The following FXR2 variants were observed in gnomAD, a reference collection of about 807,000 sequenced individuals.
FXR2 encodes FMR1 autosomal homolog 2.
A neutral mutation model predicts 87.3 loss-of-function variants in FXR2; 9 were observed. The ratio of observed to expected loss-of-function variants is 0.10; its 90% confidence interval spans 0.06 to 0.18. FXR2 has a LOEUF of 0.18. Ranked by LOEUF, FXR2 falls within the 10% of genes least tolerant of loss-of-function variation. The pLI is 1.00. For synonymous variants in FXR2, 331 were observed against 328.3 expected (o/e 1.01, Z -0.09); for missense variants, 661 against 893.6 (o/e 0.74, Z 3.32).
intron 6 of FXR2, among the ~76,000 whole-genome samples, chr17:7,602,103 T>C (rs771740398): frequency 4.0e-5 from 6 of 151,230 alleles, no homozygotes; most frequent in Non-Finnish European, 7.4e-5. Flanking sequence ...CTAACCCAGA[T>C]GGCAACATGA....
chr17:7,601,704 G>A (rs555933430), intron 6 of FXR2, among the ~76,000 whole-genome samples, 179 bp from the exon 7 acceptor site: 9 of 152,270 alleles, frequency 5.9e-5, no homozygotes, highest in Non-Finnish European at 7.4e-5. Flanking sequence ...CAAGGCAGGC[G>A]GATCACGAGG....
At chr17:7,604,463 G>A (rs1448134922) in intron 3 of FXR2, among the ~76,000 whole-genome samples, 1 of 151,910 alleles carries the variant, frequency 6.6e-6, no homozygotes, top group Non-Finnish European at 1.5e-5. Context: ...TGGCTGAGGT[G>A]GGCTGATCAC....
In FXR2 at chr17:7,611,025, G is replaced by A. The variant is rs1420333004; in HGVS notation, c.81+3427C>T. On this transcript the variant is annotated intron_variant, in intron 1 of 16. Transcript: ENST00000250113. ...ACAGTCTGAGTAAAAACCAAGTACTGAAGCTGAGGATGCCATGTTGATTAA... is the reference window on the plus strand; with the variant it reads ...ACAGTCTGAGTAAAAACCAAGTACTAAAGCTGAGGATGCCATGTTGATTAA... Among the ~76,000 whole-genome samples the A allele has an allele frequency of 3.3e-5, 5 of 152,332 alleles. No individual in the cohort carries two copies. In the East Asian group the frequency reaches 9.6e-4, roughly 29 times the overall value.
rs2071677023 is a variant in FXR2, at chr17:7,592,912, A to C, written c.1529-18T>G. ...CTTCAGCACTGGTCAGAGGAAGAAG[A>C]GGAGGAGTTGGCAGTCAGGTGCCCA... On this transcript the variant is annotated intron_variant, in intron 13 of 16. Coordinates refer to ENST00000250113, the MANE Select transcript of FXR2 (RefSeq NM_004860.4). This position sits in a 1 kb window ranked among gnomAD's most constrained non-coding sequence, Gnocchi z 4.8. 1.3e-6 allele frequency: 2 copies of C among 1,555,110 alleles called. No individual in the cohort carries two copies. The highest frequency in any genetic ancestry group is 2.4e-5 in the South Asian group (2 of 82,204).
At chr17:7,614,379 C>T (rs930443157) in intron 1 of FXR2, 73 bp downstream of exon 1, 26 of 1,119,062 alleles carry the variant, frequency 2.3e-5, no homozygotes, top group African/African-American at 3.1e-5. Flanking sequence ...AGCTCGATCC[C>T]GCCCCACGCG....
chr17:7,603,798 G>A lies in FXR2; in HGVS notation c.408C>T (p.Phe136=), dbSNP rs1181024659. Residue 136 remains phenylalanine (F), a synonymous_variant, in exon 5 of 17, where the codon TTC becomes TTT. Coordinates refer to ENST00000250113, the MANE Select transcript of FXR2 (RefSeq NM_004860.4). The part of the protein sequence containing the change: ...NPNPLATKGS[F]FKVTMAVPED... ...CGGGCACAGCCATGGTAACCTTGAA[G>A]AAGCTGCCTTTGGTTGCAAGGGGAT... is the stretch of plus-strand genomic sequence containing the variant. 3.7e-6 allele frequency: 6 copies of A among 1,613,862 alleles called. No homozygotes were observed. The highest frequency in any genetic ancestry group is 5.1e-6 in the Non-Finnish European group (6 of 1,179,896).
intron 7 of FXR2, among the ~76,000 whole-genome samples, chr17:7,598,897 G>A (rs1472408664): frequency 6.6e-6 from 1 of 152,138 alleles, no homozygotes; most frequent in African/African-American, 2.4e-5. Flanking sequence ...TGTAATCCCA[G>A]TACTTTGGGA....
In FXR2 at chr17:7,591,750, C is replaced by A. The variant is rs972089999; in HGVS notation, c.*80G>T. On this transcript the variant is annotated 3_prime_UTR_variant, in exon 17 of 17. Transcript: ENST00000250113. The surrounding 1 kb of genome is among the most constrained non-coding windows in gnomAD (Gnocchi z 4.0). Reference sequence around the variant, plus strand: ...CCCCCCTAGATAAGAGCAGCTCCAGCGCAGGTCAGTTGGGCCTGTGAGGGC... The same window carrying A: ...CCCCCCTAGATAAGAGCAGCTCCAGAGCAGGTCAGTTGGGCCTGTGAGGGC... The A allele has an allele frequency of 4.9e-6, 4 of 813,298 alleles. No homozygotes were observed. The highest frequency in any genetic ancestry group is 1.7e-5 in the African/African-American group (1 of 59,464). 50.4% of individuals were successfully genotyped at this position (813,298 alleles called of 1,614,324 possible). A position where few individuals can be genotyped will look rare whatever the true frequency, so the allele number is the denominator to read the frequency against.
chr17:7,598,444 G>A (rs2150942564), intron 7 of FXR2, among the ~76,000 whole-genome samples: 1 of 152,136 alleles, frequency 6.6e-6, no homozygotes, highest in African/African-American at 2.4e-5. Flanking sequence ...GACAGAGCGA[G>A]ACTCCGTCTC....
chr17:7,613,251 T>G (rs2071891349), intron 1 of FXR2, among the ~76,000 whole-genome samples: 1 of 151,824 alleles, frequency 6.6e-6, no homozygotes, highest in South Asian at 2.1e-4. Context: ...TGGGAAGGTA[T>G]CTCTTCCCCA....
Position 7,591,869 on chromosome 17 carries a change from G to A in FXR2, c.1983C>T (p.Ala661=), listed in dbSNP as rs749011810. ...KGPSENGELS[A]PLELGSMVNG... ...TCACCATACTACCCAACTCCAAGGGGGCGGAGAGCTCCCCATTCTCCGAGG... is the reference window on the plus strand; with the variant it reads ...TCACCATACTACCCAACTCCAAGGGAGCGGAGAGCTCCCCATTCTCCGAGG... The change falls in exon 17 of 17, where the codon GCC becomes GCT. Residue 661 remains alanine (A), a synonymous_variant. Coordinates refer to ENST00000250113, the MANE Select transcript of FXR2 (RefSeq NM_004860.4). The surrounding 1 kb of genome is among the most constrained non-coding windows in gnomAD (Gnocchi z 4.0). 1 of 1,604,894 alleles carries A rather than the reference G, an allele frequency of 6.2e-7. No individual in the cohort carries two copies. The highest frequency in any genetic ancestry group is 8.5e-7 in the Non-Finnish European group (1 of 1,171,640).
Position 7,594,830 on chromosome 17 carries a change from C to A in FXR2, c.832-73G>T, listed in dbSNP as rs907253043. 2 of 918,302 alleles carry A rather than the reference C, an allele frequency of 2.2e-6. No homozygotes were observed. Among genetic ancestry groups the A allele is most frequent in the Non-Finnish European group, 3.6e-6 (2 of 548,604 alleles). The allele number at this position is 918,302 out of a possible 1,614,324, so 56.9% of individuals were successfully genotyped here. The stretch of plus-strand genomic sequence containing the variant: ...GGATGTGGTGGCTCACGCCTGTAAT[C>A]CCAGCACTTTGGGAGGCTGGAGGCA... On this transcript the variant is annotated intron_variant, in intron 8 of 16. Coordinates refer to ENST00000250113, the MANE Select transcript of FXR2 (RefSeq NM_004860.4). The surrounding 1 kb of genome is among the most constrained non-coding windows in gnomAD (Gnocchi z 5.1).
At chr17:7,600,944 C>A (rs1394998886) in intron 7 of FXR2, among the ~76,000 whole-genome samples, 1 of 152,114 alleles carries the variant, frequency 6.6e-6, no homozygotes, top group Non-Finnish European at 1.5e-5. Context: ...CTTTGGGAGG[C>A]TGAGGCGGGT....
chr17:7,614,643 C>G lies in FXR2; in HGVS notation c.-111G>C, dbSNP rs1254991796. 2 of 543,032 alleles carry G rather than the reference C, an allele frequency of 3.7e-6. No homozygotes were observed. The highest frequency in any genetic ancestry group is 5.5e-6 in the Non-Finnish European group (2 of 365,504). The allele number at this position is 543,032 out of a possible 1,614,324, so 33.6% of individuals were successfully genotyped here. On this transcript the variant is annotated 5_prime_UTR_variant, in exon 1 of 17. Transcript: ENST00000250113. Reference sequence around the variant, plus strand: ...GGAGGAGGAGCCGGAGGGGGAGCCGCGGGGGGCGGGAGCCGGGCCGGCCCC... The same window carrying G: ...GGAGGAGGAGCCGGAGGGGGAGCCGGGGGGGGCGGGAGCCGGGCCGGCCCC...
chr17:7,598,556 G>A (rs1264677721), intron 7 of FXR2, among the ~76,000 whole-genome samples: 1 of 152,096 alleles, frequency 6.6e-6, no homozygotes, highest in Non-Finnish European at 1.5e-5. Flanking sequence ...TCAGCCTACC[G>A]TACATGTCTT....
chr17:7,593,571 T>C lies in FXR2; in HGVS notation c.1162A>G (p.Ile388Val). 6.3e-7 allele frequency: 1 copy of C among 1,598,152 alleles called. No individual in the cohort carries two copies. Among genetic ancestry groups the C allele is most frequent in the Non-Finnish European group, 8.5e-7 (1 of 1,173,712 alleles). Residue 388 changes from isoleucine (I) to valine (V), a missense_variant, in exon 12 of 17, where the codon ATT becomes GTT. Around this residue, in one of 3 missense-constraint regions of FXR2, gnomAD observed 409 missense variants for 432.0 expected, o/e 0.95. Coordinates refer to ENST00000250113, the MANE Select transcript of FXR2 (RefSeq NM_004860.4). This position sits in a 1 kb window ranked among gnomAD's most constrained non-coding sequence, Gnocchi z 6.1. ...RLQIDEQLRQ[I>V]GLGFRPPGSG... ...CCAGGAGGGCGAAAGCCCAGCCCAA[T>C]CTGCCGAAGCTGCTCATCAATTTGT...
At chr17:7,604,760 T>C (rs1597878081) in intron 3 of FXR2, among the ~76,000 whole-genome samples, 1 of 146,258 alleles carries the variant, frequency 6.8e-6, no homozygotes, top group Non-Finnish European at 1.5e-5. Context: ...TCGCTCTTGG[T>C]GCTCAGGCTG....
chr17:7,595,675 T>A lies in FXR2; in HGVS notation c.831+149A>T. The A allele has an allele frequency of 1.6e-6, 1 of 628,242 alleles. No individual in the cohort carries two copies. The highest frequency in any genetic ancestry group is 2.0e-5 in the South Asian group (1 of 49,556). 38.9% of individuals were successfully genotyped at this position (628,242 alleles called of 1,614,324 possible). A position where few individuals can be genotyped will look rare whatever the true frequency, so the allele number is the denominator to read the frequency against. ...GTTGCACAGGCTGGTCTCAAACTCC[T>A]AGGCTCAAGTGATCCTCTCACTTTG... On this transcript the variant is annotated intron_variant, in intron 8 of 16. Transcript: ENST00000250113. The surrounding 1 kb of genome is among the most constrained non-coding windows in gnomAD (Gnocchi z 4.7).
At chr17:7,604,665 T>C (rs2071788257) in intron 3 of FXR2, among the ~76,000 whole-genome samples, 1 of 148,790 alleles carries the variant, frequency 6.7e-6, no homozygotes. Flanking sequence ...CACTCCAGCT[T>C]GGGCAACAGA....
Sources: gnomAD v4.1 joint callset for allele counts (sites outside exome capture counted in the v4.1 genomes callset) on GRCh38, gnomAD v4.1.1 for gene constraint, gnomAD v4.1.1 regional missense constraint, Gnocchi (gnomAD v3.1) non-coding constraint, MANE v1.5 for transcripts, NCBI Gene and HGNC (gene_info 2026-07-23, HGNC 2026-07-21) for gene names.